DCC: variants seen among roughly 807,000 people sequenced by gnomAD.
DCC encodes netrin receptor DCC.
DCC carries 58 observed loss-of-function variants against 172.5 expected under a neutral mutation model. That is an observed-to-expected ratio of 0.34 (90% confidence interval 0.27 to 0.42). The LOEUF is 0.42. Ranked by LOEUF, DCC falls within the 10% of genes least tolerant of loss-of-function variation. The pLI is 1.00. For synonymous variants in DCC, 709 were observed against 644.5 expected, an observed-to-expected ratio of 1.10 and a Z score of -1.52; for missense variants, 1,740 against 1,791.0, an observed-to-expected ratio of 0.97 and a Z score of 0.51.
rs900796799 is a variant in DCC at position 52,783,339 on chromosome 18, T to A, written c.412+30965T>A. Among the ~76,000 whole-genome samples, 956 of 96,610 alleles carry A rather than the reference T, an allele frequency of 9.9e-3. 12 individuals carry two copies. The highest frequency in any genetic ancestry group is 0.023 in the South Asian group (53 of 2,330). 63.4% of individuals were successfully genotyped at this position (96,610 alleles called of 152,430 possible). Reference sequence around the variant, plus strand: ...ACTACTACTCTTTTTTTTTTTTTTTTTTTTTTTTTTTTTTTTTTTTTTACA... The same window carrying A: ...ACTACTACTCTTTTTTTTTTTTTTTATTTTTTTTTTTTTTTTTTTTTTACA... On this transcript the variant is annotated intron_variant, in intron 2 of 28. Coordinates refer to ENST00000442544, the MANE Select transcript of DCC (RefSeq NM_005215.4).
intron 5 of DCC, among the ~76,000 whole-genome samples, chr18:52,958,438 CA>C (rs2040783688): frequency 6.6e-6 from 1 of 152,044 alleles, no homozygotes; most frequent in Non-Finnish European, 1.5e-5. Context: ...AAATTATCCT[CA>C]TAAAGCAGAA....
At chr18:52,344,104 A>AT (rs1342729832) in intron 1 of DCC, among the ~76,000 whole-genome samples, 2 of 152,152 alleles carry the variant, frequency 1.3e-5, no homozygotes, top group East Asian at 1.9e-4. Flanking sequence ...GCTGATAGGC[A>AT]TTTTTTTCTG....
intron 1 of DCC, among the ~76,000 whole-genome samples, chr18:52,395,593 A>G (rs995815093): frequency 6.6e-6 from 1 of 152,018 alleles, no homozygotes; most frequent in Non-Finnish European, 1.5e-5. Context: ...TAAAGGTGCA[A>G]ACTCTCTGTG....
intron 1 of DCC, among the ~76,000 whole-genome samples, chr18:52,631,588 G>A (rs1173193524): frequency 1.3e-5 from 2 of 152,158 alleles, no homozygotes; most frequent in African/African-American, 4.8e-5. Flanking sequence ...TGTCTTCCTC[G>A]GAATCGGAAG....
chr18:53,475,234 G>T (rs982715600), intron 25 of DCC, among the ~76,000 whole-genome samples: 3 of 152,210 alleles, frequency 2.0e-5, no homozygotes, highest in African/African-American at 4.8e-5. Flanking sequence ...CAATAGAAAA[G>T]AAAATCCCAT....
chr18:52,874,180 G>A (rs2039366249), intron 2 of DCC, among the ~76,000 whole-genome samples: 1 of 152,118 alleles, frequency 6.6e-6, no homozygotes, highest in South Asian at 2.1e-4. Context: ...GATCAAGGAG[G>A]TAAATACACT....
At chr18:52,804,871 T>C (rs1302086607) in intron 2 of DCC, among the ~76,000 whole-genome samples, 1 of 152,190 alleles carries the variant, frequency 6.6e-6, no homozygotes, top group Non-Finnish European at 1.5e-5. Context: ...CATGACCTAC[T>C]GCGCCTGGCC....
intron 2 of DCC, among the ~76,000 whole-genome samples, chr18:52,815,319 A>G (rs958378877): frequency 1.4e-4 from 21 of 152,102 alleles, no homozygotes; most frequent in African/African-American, 5.1e-4. Context: ...ACATGAGGTC[A>G]TAAGAGTGGG....
At chr18:52,880,029 C>A (rs1329203271) in intron 2 of DCC, among the ~76,000 whole-genome samples, 2 of 152,060 alleles carry the variant, frequency 1.3e-5, no homozygotes, top group African/African-American at 4.8e-5. Context: ...GTGTTACAAA[C>A]AATCCAGTTA....
At chr18:53,309,960 G>GTATATATA (rs1480456425) in intron 13 of DCC, among the ~76,000 whole-genome samples, 3 of 62,298 alleles carry the variant, frequency 4.8e-5, no homozygotes, top group South Asian at 7.6e-4. Flanking sequence ...ATATATACGT[G>GTATATATA]TGTGTATATA....
intron 5 of DCC, among the ~76,000 whole-genome samples, chr18:52,994,614 A>T (rs2041450658): frequency 6.6e-6 from 1 of 152,146 alleles, no homozygotes; most frequent in Admixed American, 6.5e-5. Context: ...ACTGACTGCA[A>T]ATTAAATTTA....
intron 5 of DCC, among the ~76,000 whole-genome samples, chr18:52,952,857 G>T (rs756455597): frequency 2.0e-5 from 3 of 151,684 alleles, no homozygotes; most frequent in Admixed American, 6.6e-5. Context: ...AATTAGCTGA[G>T]CACAGTCACA....
intron 12 of DCC, among the ~76,000 whole-genome samples, chr18:53,302,786 T>C (rs935039677): frequency 6.6e-6 from 1 of 152,202 alleles, no homozygotes; most frequent in East Asian, 1.9e-4. Context: ...TGTTCTGTTG[T>C]TTTCTAATAT....
chr18:52,997,805 T>C (rs969669015), intron 5 of DCC, among the ~76,000 whole-genome samples: 2 of 152,114 alleles, frequency 1.3e-5, no homozygotes, highest in African/African-American at 2.4e-5. Flanking sequence ...TTGTTTTCAA[T>C]AGGTTCATTT....
rs1435906513 is a variant in DCC at position 52,405,616 on chromosome 18, G to A, written c.91+64738G>A. Among the ~76,000 whole-genome samples, 8 of 151,146 alleles carry A rather than the reference G, an allele frequency of 5.3e-5. No individual in the cohort carries two copies. In the East Asian group the frequency reaches 1.6e-3, roughly 30 times the overall value. Reference sequence around the variant, plus strand: ...ATACCTAGGAATCCAACTTACAAGGGATGTGAAGGACCTCTTCAAGGAGAA... The same window carrying A: ...ATACCTAGGAATCCAACTTACAAGGAATGTGAAGGACCTCTTCAAGGAGAA... On this transcript the variant is annotated intron_variant, in intron 1 of 28. Transcript: ENST00000442544.
At chr18:52,690,286 T>G (rs892503111) in intron 1 of DCC, among the ~76,000 whole-genome samples, 2 of 152,158 alleles carry the variant, frequency 1.3e-5, no homozygotes, top group African/African-American at 2.4e-5. Flanking sequence ...CTTAAGGAAC[T>G]CAGCTGGGTG....
chr18:53,498,340 G>A (rs2046051132), intron 26 of DCC, among the ~76,000 whole-genome samples: 1 of 152,046 alleles, frequency 6.6e-6, no homozygotes, highest in Admixed American at 6.5e-5. Flanking sequence ...TTATATCACT[G>A]CATTTTGTTT....
At chr18:53,307,309 C>A (rs775337722) in intron 13 of DCC, among the ~76,000 whole-genome samples, 7 of 151,944 alleles carry the variant, frequency 4.6e-5, no homozygotes, top group Admixed American at 6.6e-5. Flanking sequence ...TTTTCTTTTT[C>A]CCCTGACAAA....
chr18:53,484,146 A>C (rs1407900619), intron 25 of DCC, among the ~76,000 whole-genome samples: 2 of 151,832 alleles, frequency 1.3e-5, no homozygotes, highest in Non-Finnish European at 2.9e-5. Flanking sequence ...TATTTTTGAT[A>C]ATTTTTCAAC....
Sources: gnomAD v4.1 joint callset for allele counts (sites outside exome capture counted in the v4.1 genomes callset) on GRCh38, gnomAD v4.1.1 for gene constraint, MANE v1.5 for transcripts, NCBI Gene and HGNC (gene_info 2026-07-23, HGNC 2026-07-21) for gene names.